SCIMP: variants seen among roughly 807,000 people sequenced by gnomAD.
SCIMP encodes the protein SLP adapter and CSK-interacting membrane protein.
A neutral mutation model predicts 22.0 loss-of-function variants in SCIMP; 18 were observed. The ratio of observed to expected loss-of-function variants is 0.82; its 90% CI spans 0.56 to 1.21. The LOEUF (loss-of-function observed/expected upper bound fraction) is 1.21, where lower values mean the gene tolerates loss of function less well. Among genes scored for constraint, SCIMP ranks in the 50% most tolerant of loss-of-function variants. The probability of loss-of-function intolerance (pLI) is 0.00; values close to 1 mark genes in which losing one functional copy is unlikely to be tolerated. For missense variants in SCIMP, 155 were observed against 171.2 expected (o/e 0.91, Z 0.53); for synonymous variants, 53 against 62.2 (o/e 0.85, Z 0.70).
chr17:5,233,035 C>T (rs1414889102), intron 1 of SCIMP, among the ~76,000 whole-genome samples: 1 of 152,106 alleles, frequency 6.6e-6, no homozygotes, highest in African/African-American at 2.4e-5. Context: ...TCACTGATGT[C>T]AGCACCAGAA....
chr17:5,218,301 A>C (rs1412406155), intron 3 of SCIMP, among the ~76,000 whole-genome samples: 2 of 150,840 alleles, frequency 1.3e-5, no homozygotes, highest in Admixed American at 1.3e-4. Context: ...CTGGGATTAT[A>C]GGCATGAACC....
chr17:5,210,867 G>A lies in SCIMP; in HGVS notation c.372C>T (p.Tyr124=). The change falls in exon 5 of 5, where the codon TAC becomes TAT. Residue 124 remains tyrosine (Y), a synonymous_variant. Coordinates refer to ENST00000574081, the MANE Select transcript of SCIMP (RefSeq NM_207103.3). The part of the protein sequence containing the change: ...KNKKTVSIPS[Y]IEPEDDYDDV... ...CGTCATAGTCATCTTCAGGCTCAAT[G>A]TAGCTTGGGATGGAAACAGTCTTCT... The A allele has an allele frequency of 6.2e-7, 1 of 1,614,056 alleles. No homozygotes were observed. The highest frequency in any genetic ancestry group is 8.5e-7 in the Non-Finnish European group (1 of 1,180,006).
chr17:5,233,182 G>A (rs2074716288), intron 1 of SCIMP, among the ~76,000 whole-genome samples: 1 of 151,988 alleles, frequency 6.6e-6, no homozygotes, highest in African/African-American at 2.4e-5. Flanking sequence ...CGGAAACCTT[G>A]CCTCATTCCT....
At chr17:5,228,213 G>A (rs1247944281) in intron 1 of SCIMP, among the ~76,000 whole-genome samples, 1 of 151,828 alleles carries the variant, frequency 6.6e-6, no homozygotes, top group Non-Finnish European at 1.5e-5. Context: ...GGGCATGGTG[G>A]CACGCGCCTG....
chr17:5,221,467 G>C, intron 2 of SCIMP, 117 bp from the exon 3 acceptor site: 1 of 770,706 alleles, frequency 1.3e-6, no homozygotes, highest in Admixed American at 2.0e-5. Context: ...GCCGGACTTA[G>C]AACCCAGACA....
chr17:5,232,109 G>A (rs2074702586), intron 1 of SCIMP, among the ~76,000 whole-genome samples: 1 of 152,090 alleles, frequency 6.6e-6, no homozygotes, highest in African/African-American at 2.4e-5. Context: ...TGTGCGATGA[G>A]CAGAATGGGC....
intron 1 of SCIMP, among the ~76,000 whole-genome samples, chr17:5,230,586 A>G (rs969302082): frequency 5.9e-5 from 9 of 152,144 alleles, no homozygotes; most frequent in African/African-American, 1.9e-4. Flanking sequence ...AACTTAACCT[A>G]CCTTACTTGA....
chr17:5,213,297 G>A (rs1219802734), intron 4 of SCIMP: 83 of 941,182 alleles, frequency 8.8e-5, no homozygotes, highest in East Asian at 4.8e-4. Flanking sequence ...TCACTCTGTC[G>A]TCCAGGTGCA....
intron 1 of SCIMP, among the ~76,000 whole-genome samples, chr17:5,225,933 G>A (rs2074645102): frequency 6.6e-6 from 1 of 152,136 alleles, no homozygotes. Context: ...GGTCTATAGT[G>A]CTGGCATTGA....
intron 1 of SCIMP, among the ~76,000 whole-genome samples, chr17:5,225,159 A>G (rs1038711275): frequency 2.0e-5 from 3 of 152,070 alleles, no homozygotes; most frequent in Non-Finnish European, 2.9e-5. Context: ...TTACCATCAA[A>G]CCTCCAATAA....
At chr17:5,211,604 AT>A (rs1425463211) in intron 4 of SCIMP, among the ~76,000 whole-genome samples, 4 of 152,110 alleles carry the variant, frequency 2.6e-5, no homozygotes, top group Non-Finnish European at 5.9e-5. Flanking sequence ...ACAGATCCTA[AT>A]TTTTACAAGG....
In SCIMP at chr17:5,210,972, GCTC is replaced by G. The variant is rs1054584590; in HGVS notation, c.284-20_284-18del. 1.3e-6 allele frequency: 2 copies of G among 1,591,264 alleles called. No homozygotes were observed. The highest frequency in any genetic ancestry group is 1.7e-6 in the Non-Finnish European group (2 of 1,173,870). Reference sequence around the variant, plus strand: ...CCTGTGGGGCTAGAATACACAAAAAGCTCCTTAGATGCAAAGCTGTCATGTGTT... The same window carrying G: ...CCTGTGGGGCTAGAATACACAAAAAGCTTAGATGCAAAGCTGTCATGTGTT... On this transcript the variant is annotated intron_variant, in intron 4 of 4. Coordinates refer to ENST00000574081, the MANE Select transcript of SCIMP (RefSeq NM_207103.3).
At chr17:5,222,289 C>G (rs1321535376) in intron 2 of SCIMP, among the ~76,000 whole-genome samples, 1 of 151,698 alleles carries the variant, frequency 6.6e-6, no homozygotes, top group East Asian at 1.9e-4. Context: ...AACGGGGTTT[C>G]ACCGTGTTAG....
intron 1 of SCIMP, among the ~76,000 whole-genome samples, chr17:5,234,383 C>A (rs1015582287): frequency 2.0e-5 from 3 of 151,510 alleles, no homozygotes; most frequent in African/African-American, 7.3e-5. Context: ...AACACACCAT[C>A]GGCATCCAGA....
chr17:5,213,246 T>G, intron 4 of SCIMP: 1 of 975,464 alleles, frequency 1.0e-6, no homozygotes, highest in South Asian at 4.7e-5. Context: ...GCCCCCTTTT[T>G]GCTTTTCCAT....
intron 1 of SCIMP, among the ~76,000 whole-genome samples, chr17:5,232,553 A>G (rs2074710776): frequency 1.3e-5 from 2 of 151,896 alleles, no homozygotes; most frequent in East Asian, 3.9e-4. Flanking sequence ...GCAGGCCTGG[A>G]ATGAGGGTTC....
chr17:5,210,754 G>T lies in SCIMP; in HGVS notation c.*47C>A. 1 of 1,574,790 alleles carries T rather than the reference G, an allele frequency of 6.4e-7. No homozygotes were observed. The highest frequency in any genetic ancestry group is 2.2e-5 in the East Asian group (1 of 44,558). On this transcript the variant is annotated 3_prime_UTR_variant, in exon 5 of 5. Transcript: ENST00000574081. ...ACCATTCTTGATTGTTTTAAAATAA[G>T]TTGTGTGAACCCTCTTCAGTTTTGC... is the stretch of plus-strand genomic sequence containing the variant.
chr17:5,227,940 C>T (rs1365269178), intron 1 of SCIMP, among the ~76,000 whole-genome samples: 4 of 152,092 alleles, frequency 2.6e-5, no homozygotes, highest in African/African-American at 9.6e-5. Context: ...TTTGGGAGGC[C>T]GAGGCAGGCA....
intron 3 of SCIMP, among the ~76,000 whole-genome samples, chr17:5,216,782 GCTGGTAACGTC>G (rs2074568725): frequency 6.6e-6 from 1 of 152,192 alleles, no homozygotes; most frequent in African/African-American, 2.4e-5. Flanking sequence ...CCTCTGAAGT[GCTGGTAACGTC>G]CTATTTCTTG....
Sources: gnomAD v4.1 joint callset for allele counts (sites outside exome capture counted in the v4.1 genomes callset) on GRCh38, gnomAD v4.1.1 for gene constraint, MANE v1.5 for transcripts, NCBI Gene and HGNC (gene_info 2026-07-23, HGNC 2026-07-21) for gene names.